Variants in CEP83 observed in about 807,000 individuals in gnomAD.
CEP83 encodes centrosomal protein of 83 kDa.
In CEP83, 70 loss-of-function variants were observed where a neutral mutation model predicts 101.9. The observed-to-expected ratio is 0.69, with a 90% CI of 0.57 to 0.84. CEP83 has a LOEUF of 0.84. CEP83 is among the 40% of genes least tolerant of loss of function. CEP83 has a pLI of 0.00. For missense variants in CEP83, 715 were observed against 787.2 expected, an observed-to-expected ratio of 0.91 and a Z score of 1.10; for synonymous variants, 264 against 267.9, an observed-to-expected ratio of 0.99 and a Z score of 0.14.
chr12:94,389,743 G>T (rs530595064), intron 6 of CEP83, among the ~76,000 whole-genome samples: 2 of 152,158 alleles, frequency 1.3e-5, no homozygotes, highest in African/African-American at 4.8e-5. Context: ...AGACTACCTG[G>T]AAAAACAGGA....
rs997114567 is a variant in CEP83, at chr12:94,459,856, A to T, written c.-454T>A. On this transcript the variant is annotated 5_prime_UTR_variant, in exon 1 of 17. Transcript: ENST00000397809. ...GCCCCACTCCTCCGCGTGGACCGGGATCCTCAGGGGTGCGGCGCCACCCCA... is the reference window on the plus strand; with the variant it reads ...GCCCCACTCCTCCGCGTGGACCGGGTTCCTCAGGGGTGCGGCGCCACCCCA... The T allele has an allele frequency of 5.9e-5, 9 of 153,256 alleles. No individual in the cohort carries two copies. Among genetic ancestry groups the T allele is most frequent in the African/African-American group, 2.2e-4 (9 of 41,360 alleles). 9.5% of individuals were successfully genotyped at this position (153,256 alleles called of 1,614,324 possible). A position where few individuals can be genotyped will look rare whatever the true frequency, so the allele number is the denominator to read the frequency against.
intron 14 of CEP83, among the ~76,000 whole-genome samples, chr12:94,321,100 A>T (rs1438193220): frequency 6.6e-6 from 1 of 151,508 alleles, no homozygotes; most frequent in African/African-American, 2.4e-5. Context: ...TTTTTGTCTG[A>T]CTGTCTTACT....
At chr12:94,353,838 C>T (rs1488317246) in intron 11 of CEP83, among the ~76,000 whole-genome samples, 3 of 145,074 alleles carry the variant, frequency 2.1e-5, no homozygotes, top group Non-Finnish European at 4.5e-5. Context: ...AAAAGTTTGT[C>T]ACACTGTAAA....
At chr12:94,305,238 C>T (rs1968883319), downstream of CEP83, 1 of 1,611,222 alleles carries the variant, frequency 6.2e-7, no homozygotes, top group African/African-American at 1.3e-5. Context: ...ACAACTCTTG[C>T]ATGTAAAAGT....
At chr12:94,402,971 C>T (rs928939582) in intron 5 of CEP83, 199 bp downstream of exon 5, 19 of 379,662 alleles carry the variant, frequency 5.0e-5, no homozygotes, top group Admixed American at 3.6e-4. Flanking sequence ...GCCAAAGAAA[C>T]ATCAGTAGGC....
Position 94,405,509 on chromosome 12 carries a change from T to C in CEP83, c.325-2247A>G, listed in dbSNP as rs182313096. 1.4e-3 allele frequency among the ~76,000 whole-genome samples: 211 copies of C among 152,308 alleles called. 1 individual carries two copies. The highest frequency in any genetic ancestry group is 4.8e-3 in the African/African-American group (201 of 41,572). On this transcript the variant is annotated intron_variant, in intron 4 of 16. Transcript: ENST00000397809. The stretch of plus-strand genomic sequence containing the variant: ...TTATTAATGCTGGATGATGGGTACA[T>C]GGGAATGCATTACATGTTTGAGATT...
intron 7 of CEP83, 62 bp from the exon 8 acceptor site, chr12:94,376,079 G>A: frequency 1.9e-6 from 2 of 1,041,702 alleles, no homozygotes; most frequent in South Asian, 2.3e-5. Flanking sequence ...AATCAAATAA[G>A]CACTATTTAA....
chr12:94,319,969 T>C (rs1040473874), intron 14 of CEP83, among the ~76,000 whole-genome samples: 1 of 152,208 alleles, frequency 6.6e-6, no homozygotes, highest in Non-Finnish European at 1.5e-5. Flanking sequence ...CCCACTGTTA[T>C]TGTGTGGGAG....
At chr12:94,412,954 G>A (rs961178808) in intron 2 of CEP83, among the ~76,000 whole-genome samples, 4 of 151,698 alleles carry the variant, frequency 2.6e-5, no homozygotes, top group African/African-American at 9.7e-5. Context: ...CCGGGTTCAC[G>A]CCATTCTCCT....
chr12:94,376,364 T>C (rs1237411196), intron 7 of CEP83, among the ~76,000 whole-genome samples: 1 of 152,086 alleles, frequency 6.6e-6, no homozygotes, highest in East Asian at 1.9e-4. Context: ...GTTTCCAGTC[T>C]ATAACAGATA....
At chr12:94,343,634 C>T (rs540557127) in intron 11 of CEP83, among the ~76,000 whole-genome samples, 1,703 of 150,348 alleles carry the variant, frequency 0.011, 19 homozygotes, top group African/African-American at 0.024. Context: ...GGACTACAGG[C>T]GCCCGCCACC....
chr12:94,452,089 CA>C (rs1296429653), intron 1 of CEP83, among the ~76,000 whole-genome samples: 2 of 152,028 alleles, frequency 1.3e-5, no homozygotes, highest in South Asian at 4.1e-4. Flanking sequence ...AAGCCAGATG[CA>C]AAAGACTACT....
At position 94,399,504 on chromosome 12, in the gene CEP83, G is replaced by A. The variant is rs193096575; in HGVS notation, c.549+1346C>T. Among the ~76,000 whole-genome samples the A allele has an allele frequency of 1.1e-3, 163 of 152,220 alleles. 1 individual carries two copies. Among genetic ancestry groups the A allele is most frequent in the Middle Eastern group, 3.4e-3 (1 of 294 alleles). On this transcript the variant is annotated intron_variant, in intron 6 of 16. Coordinates refer to ENST00000397809, the MANE Select transcript of CEP83 (RefSeq NM_016122.3). ...GCAGGAGGATCACTTGAGGCCAGTAGTCCGAGATCAGCTGGGGCAACATAG... is the reference window on the plus strand; with the variant it reads ...GCAGGAGGATCACTTGAGGCCAGTAATCCGAGATCAGCTGGGGCAACATAG...
chr12:94,269,714 A>G, the CEP83 span, among the ~76,000 whole-genome samples: 3 of 152,268 alleles, frequency 2.0e-5, no homozygotes, highest in Admixed American at 2.0e-4. Context: ...GTGGAGAAAC[A>G]GTGAAGTTAA....
intron 1 of CEP83, among the ~76,000 whole-genome samples, chr12:94,457,103 T>C (rs1240756929): frequency 6.6e-6 from 1 of 152,118 alleles, no homozygotes; most frequent in Non-Finnish European, 1.5e-5. Flanking sequence ...TAGAAAGATA[T>C]GCAGACTAAT....
chr12:94,378,763 C>T (rs1387558785), intron 7 of CEP83, 28 bp downstream of exon 7: 1 of 1,608,866 alleles, frequency 6.2e-7, no homozygotes, highest in Non-Finnish European at 8.5e-7. Context: ...GTATGCCATA[C>T]TCTACTGGGA....
chr12:94,314,011 T>C, intron 14 of CEP83, among the ~76,000 whole-genome samples: 2 of 152,272 alleles, frequency 1.3e-5, no homozygotes, highest in South Asian at 4.1e-4. Flanking sequence ...AACTTTACAA[T>C]ATACAAAGGG....
chr12:94,437,098 C>A (rs2066048823), intron 1 of CEP83, among the ~76,000 whole-genome samples: 1 of 151,770 alleles, frequency 6.6e-6, no homozygotes, highest in Admixed American at 6.6e-5. Context: ...TAATCCAGCA[C>A]TTCGGGAGGC....
At chr12:94,331,368 T>TCC (rs2059209767) in intron 14 of CEP83, among the ~76,000 whole-genome samples, 1 of 120,034 alleles carries the variant, frequency 8.3e-6, no homozygotes. Flanking sequence ...TTTTTTTTTT[T>TCC]TTTTTTTTTT....
Sources: allele counts gnomAD v4.1 joint callset (sites outside exome capture counted in the v4.1 genomes callset), GRCh38; gene constraint gnomAD v4.1.1; transcripts MANE v1.5; gene names NCBI Gene and HGNC (gene_info 2026-07-23, HGNC 2026-07-21).